METAP1D: variants seen among roughly 807,000 people sequenced by gnomAD.
METAP1D encodes the protein methionyl aminopeptidase type 1D, mitochondrial, also known as methionine aminopeptidase 1D, mitochondrial.
Under a neutral mutation model 40.5 loss-of-function variants are expected in METAP1D, and 31 were observed. That is an observed-to-expected ratio of 0.77 (90% CI 0.58 to 1.03). The LOEUF is 1.03. Among genes scored for constraint, METAP1D ranks in the 50% least tolerant of loss-of-function variants. METAP1D has a pLI of 0.00. For missense variants in METAP1D, 411 were observed against 420.7 expected, an observed-to-expected ratio of 0.98 and a Z score of 0.20; for synonymous variants, 151 against 146.4, an observed-to-expected ratio of 1.03 and a Z score of -0.22.
In METAP1D at chr2:172,045,797, A is replaced by G. The variant is rs925906156; in HGVS notation, c.41-15701A>G. ...TATATATGTGTATGTATATGTATAT[A>G]TGTGTGTGTGTGTGTGTGTGTGTAT... is the stretch of plus-strand genomic sequence containing the variant. On this transcript the variant is annotated intron_variant, in intron 1 of 9. Coordinates refer to ENST00000315796, the MANE Select transcript of METAP1D (RefSeq NM_199227.3). Among the ~76,000 whole-genome samples, 54 of 31,156 alleles carry G rather than the reference A, an allele frequency of 1.7e-3. 1 individual carries two copies. The highest frequency in any genetic ancestry group is 7.6e-3 in the Admixed American group (15 of 1,970). The allele number at this position is 31,156 out of a possible 152,430, so 20.4% of individuals were successfully genotyped here. A position where few individuals can be genotyped will look rare whatever the true frequency, so the allele number is the denominator to read the frequency against.
At chr2:172,079,991 C>G (rs1449739906) in intron 8 of METAP1D, 137 bp from the exon 9 acceptor site, 1 of 706,882 alleles carries the variant, frequency 1.4e-6, no homozygotes, top group Non-Finnish European at 2.4e-6. Flanking sequence ...TCAACCCTTG[C>G]AAGATGACAA....
At chr2:172,064,693 G>A (rs999794929) in intron 3 of METAP1D, among the ~76,000 whole-genome samples, 3 of 151,838 alleles carry the variant, frequency 2.0e-5, no homozygotes, top group Admixed American at 2.0e-4. Context: ...TTCTGTATAA[G>A]GATTATAAAA....
chr2:172,034,002 A>AGGAGGCGGAGGTTGC (rs1689307936), intron 1 of METAP1D, among the ~76,000 whole-genome samples: 1 of 148,120 alleles, frequency 6.8e-6, no homozygotes, highest in Non-Finnish European at 1.5e-5. Context: ...ACTTGAACCC[A>AGGAGGCGGAGGTTGC]GGAGGCGGAG....
In METAP1D at chr2:172,009,341, C is replaced by T. The variant is rs375379490; in HGVS notation, c.40+9332C>T. Reference sequence around the variant, plus strand: ...TACAGGCGTGAGCCACCGCGCCCGGCCTGGAATTTTCTATTTAATATTTTT... The same window carrying T: ...TACAGGCGTGAGCCACCGCGCCCGGTCTGGAATTTTCTATTTAATATTTTT... On this transcript the variant is annotated intron_variant, in intron 1 of 9. Transcript: ENST00000315796. Among the ~76,000 whole-genome samples the T allele has an allele frequency of 2.0e-5, 3 of 152,228 alleles. No individual in the cohort carries two copies. In the East Asian group the frequency reaches 5.8e-4, roughly 29 times the overall value.
intron 6 of METAP1D, 128 bp from the exon 7 acceptor site, chr2:172,077,669 T>G: frequency 1.8e-6 from 1 of 545,958 alleles, no homozygotes; most frequent in Non-Finnish European, 3.3e-6. Flanking sequence ...ACATGAATGT[T>G]ATTATCTGAC....
chr2:172,064,579 T>A (rs558396976), intron 3 of METAP1D, among the ~76,000 whole-genome samples: 24 of 148,602 alleles, frequency 1.6e-4, no homozygotes, highest in Non-Finnish European at 2.5e-4. Flanking sequence ...AAGATCATGC[T>A]ACTGTACTCC....
intron 1 of METAP1D, among the ~76,000 whole-genome samples, chr2:172,016,291 AAAAAAAAAAATATATATAT>A (rs1553490331): frequency 1.2e-5 from 1 of 82,066 alleles, no homozygotes; most frequent in Admixed American, 1.6e-4. Context: ...AAAAAAAAAA[AAAAAAAAAAATATATATAT>A]ATATATATAT....
chr2:172,027,489 T>C (rs1163309126), intron 1 of METAP1D, among the ~76,000 whole-genome samples: 1 of 152,240 alleles, frequency 6.6e-6, no homozygotes, highest in African/African-American at 2.4e-5. Flanking sequence ...GGTTATACCA[T>C]CTAGGTTTGT....
At chr2:172,052,405 AC>A (rs1689904799) in intron 1 of METAP1D, among the ~76,000 whole-genome samples, 1 of 152,180 alleles carries the variant, frequency 6.6e-6, no homozygotes, top group South Asian at 2.1e-4. Flanking sequence ...GAGGCTCTTT[AC>A]CAGCTTGTTT....
intron 1 of METAP1D, among the ~76,000 whole-genome samples, chr2:172,006,474 C>T (rs921783990): frequency 2.0e-5 from 3 of 152,108 alleles, no homozygotes; most frequent in Non-Finnish European, 4.4e-5. Context: ...TGAGCCACTG[C>T]GCCTGGCCAA....
At chr2:172,026,731 T>C (rs1689128140) in intron 1 of METAP1D, among the ~76,000 whole-genome samples, 1 of 152,126 alleles carries the variant, frequency 6.6e-6, no homozygotes, top group African/African-American at 2.4e-5. Context: ...TTCTGAGACA[T>C]GTTAAGATGA....
rs1273069042 is a variant in METAP1D at position 172,041,726 on chromosome 2, T to TTTATATATATATATATA, written c.41-19771_41-19770insTATATATATATATATAT. Among the ~76,000 whole-genome samples the TTTATATATATATATATA allele has an allele frequency of 5.3e-4, 20 of 37,570 alleles. 2 individuals are homozygous for TTTATATATATATATATA. The highest frequency in any genetic ancestry group is 9.0e-4 in the Non-Finnish European group (14 of 15,594). The allele number at this position is 37,570 out of a possible 152,430, so 24.6% of individuals were successfully genotyped here. ...TTTTAATTTCCTTACTCTAATTATT[T>TTTATATATATATATATA]TATATATATATATATATATATATAT... On this transcript the variant is annotated intron_variant, in intron 1 of 9. Coordinates refer to ENST00000315796, the MANE Select transcript of METAP1D (RefSeq NM_199227.3).
Position 172,063,867 on chromosome 2 carries a change from T to C in METAP1D, c.348+7T>C, listed in dbSNP as rs1378379263. 1 of 1,605,020 alleles carries C rather than the reference T, an allele frequency of 6.2e-7. No homozygotes were observed. The highest frequency in any genetic ancestry group is 1.7e-5 in the Admixed American group (1 of 57,662). ...GGCTGGGAAGAGTTTAAAGGTGGCGTCTCACCAAGCCTCAGAACGACTTAC... is the reference window on the plus strand; with the variant it reads ...GGCTGGGAAGAGTTTAAAGGTGGCGCCTCACCAAGCCTCAGAACGACTTAC... On this transcript the variant is annotated splice_region_variant and intron_variant, in intron 3 of 9. Transcript: ENST00000315796.
chr2:172,005,727 C>T (rs1206468899), intron 1 of METAP1D, among the ~76,000 whole-genome samples: 2 of 150,832 alleles, frequency 1.3e-5, no homozygotes, highest in African/African-American at 2.4e-5. Context: ...TTTGTAGAGG[C>T]GGGATTTCAC....
At chr2:172,048,886 T>G (rs1401719564) in intron 1 of METAP1D, among the ~76,000 whole-genome samples, 2 of 152,244 alleles carry the variant, frequency 1.3e-5, no homozygotes, top group Admixed American at 6.5e-5. Context: ...TAATGTGTTT[T>G]CAGATATGAG....
chr2:172,047,523 T>C (rs1212289275), intron 1 of METAP1D, among the ~76,000 whole-genome samples: 1 of 152,112 alleles, frequency 6.6e-6, no homozygotes, highest in Non-Finnish European at 1.5e-5. Context: ...AGCCTCAGCC[T>C]CCTGGGCTCA....
intron 1 of METAP1D, among the ~76,000 whole-genome samples, chr2:172,042,928 C>T (rs1440845459): frequency 7.9e-6 from 1 of 126,604 alleles, no homozygotes; most frequent in African/African-American, 2.6e-5. Flanking sequence ...TATATGCGTA[C>T]ATGTGTATAC....
chr2:172,039,825 A>G (rs984668714), intron 1 of METAP1D, among the ~76,000 whole-genome samples: 2 of 151,954 alleles, frequency 1.3e-5, no homozygotes, highest in Admixed American at 6.6e-5. Context: ...ACCCACCACC[A>G]GTAATTAGTC....
At chr2:172,013,329 C>T (rs1308354729) in intron 1 of METAP1D, among the ~76,000 whole-genome samples, 2 of 152,196 alleles carry the variant, frequency 1.3e-5, no homozygotes, top group Non-Finnish European at 2.9e-5. Flanking sequence ...TGCCCAGCAT[C>T]TACGCATCTG....
Sources: gnomAD v4.1 joint callset for allele counts (sites outside exome capture counted in the v4.1 genomes callset) on GRCh38, gnomAD v4.1.1 for gene constraint, MANE v1.5 for transcripts, NCBI Gene and HGNC (gene_info 2026-07-23, HGNC 2026-07-21) for gene names.